Variants in ST6GALNAC3 observed in about 807,000 individuals in gnomAD.
ST6GALNAC3 encodes ST6 N-acetylgalactosaminide alpha-2,6-sialyltransferase 3.
A neutral mutation model predicts 32.7 loss-of-function variants in ST6GALNAC3; 25 were observed. The ratio of observed to expected loss-of-function variants is 0.76; its 90% CI spans 0.56 to 1.07. ST6GALNAC3 has a LOEUF of 1.07. Ranked by LOEUF, ST6GALNAC3 falls within the 50% of genes least tolerant of loss-of-function variation. The probability of loss-of-function intolerance (pLI) is 0.00; values close to 1 mark genes in which losing one functional copy is unlikely to be tolerated. For synonymous variants in ST6GALNAC3, 129 were observed against 133.1 expected (o/e 0.97, Z 0.21); for missense variants, 355 against 382.4 (o/e 0.93, Z 0.60).
At chr1:76,377,749 A>G (rs1260625800) in intron 2 of ST6GALNAC3, among the ~76,000 whole-genome samples, 2 of 152,212 alleles carry the variant, frequency 1.3e-5, no homozygotes, top group Non-Finnish European at 2.9e-5. Flanking sequence ...CAAATATAAA[A>G]GGAAGTTAAT....
intron 2 of ST6GALNAC3, among the ~76,000 whole-genome samples, chr1:76,329,321 C>T (rs538226291): frequency 2.0e-4 from 30 of 152,282 alleles, no homozygotes; most frequent in African/African-American, 7.0e-4. Flanking sequence ...TTCAATGCAT[C>T]CTGCCCCCAT....
chr1:76,146,599 T>C (rs1195397263), intron 1 of ST6GALNAC3, among the ~76,000 whole-genome samples: 6 of 152,166 alleles, frequency 3.9e-5, no homozygotes, highest in Non-Finnish European at 8.8e-5. Flanking sequence ...CCCAAATCCA[T>C]CGTCTTTTCC....
intron 2 of ST6GALNAC3, among the ~76,000 whole-genome samples, chr1:76,399,179 G>A (rs533726925): frequency 9.9e-5 from 15 of 151,982 alleles, no homozygotes; most frequent in Non-Finnish European, 2.1e-4. Context: ...GTCTTTTGAG[G>A]GATAGTATAA....
intron 1 of ST6GALNAC3, among the ~76,000 whole-genome samples, chr1:76,217,322 T>A (rs993825611): frequency 2.0e-5 from 3 of 152,198 alleles, no homozygotes; most frequent in African/African-American, 7.2e-5. Context: ...CCAGAGGAAG[T>A]GGAAAAAGCT....
intron 3 of ST6GALNAC3, among the ~76,000 whole-genome samples, chr1:76,459,736 C>A (rs1658149532): frequency 6.6e-6 from 1 of 152,142 alleles, no homozygotes; most frequent in Non-Finnish European, 1.5e-5. Flanking sequence ...TCAATGGAAT[C>A]ATACAATAAG....
intron 3 of ST6GALNAC3, among the ~76,000 whole-genome samples, chr1:76,549,817 G>T (rs946020016): frequency 6.6e-6 from 1 of 152,322 alleles, no homozygotes; most frequent in Admixed American, 6.5e-5. Context: ...ACAAGCAGTG[G>T]ATGAGAGAAG....
chr1:76,633,812 C>T lies in ST6GALNAC3; in HGVS notation c.*5006C>T, dbSNP rs1649412050. The T allele has an allele frequency of 6.6e-6, 1 of 151,724 alleles. No homozygotes were observed. Among genetic ancestry groups the T allele is most frequent in the Non-Finnish European group, 1.5e-5 (1 of 67,926 alleles). The allele number at this position is 151,724 out of a possible 1,614,324, so 9.4% of individuals were successfully genotyped here. On this transcript the variant is annotated 3_prime_UTR_variant, in exon 5 of 5. Coordinates refer to ENST00000328299, the MANE Select transcript of ST6GALNAC3 (RefSeq NM_152996.4). Reference sequence around the variant, plus strand: ...AAAAGATTTAAAAGGATTTTTTTTTCTCTACAGTCCATTTATATGATACTG... The same window carrying T: ...AAAAGATTTAAAAGGATTTTTTTTTTTCTACAGTCCATTTATATGATACTG...
intron 3 of ST6GALNAC3, among the ~76,000 whole-genome samples, chr1:76,481,518 G>A (rs74354660): frequency 0.011 from 1,668 of 152,184 alleles, 24 homozygotes; most frequent in African/African-American, 0.038. Flanking sequence ...AATGATTCTT[G>A]ACTCTCTTTG....
chr1:76,439,656 G>GT (rs1185348524), intron 3 of ST6GALNAC3, among the ~76,000 whole-genome samples: 6 of 152,098 alleles, frequency 3.9e-5, no homozygotes, highest in South Asian at 2.1e-4. Context: ...TGTAGCTACA[G>GT]TTTTTTTTAT....
chr1:76,418,207 G>A (rs576972083), intron 3 of ST6GALNAC3, among the ~76,000 whole-genome samples: 5 of 152,240 alleles, frequency 3.3e-5, no homozygotes, highest in Admixed American at 2.0e-4. Flanking sequence ...GTGTCATTGC[G>A]TGGTCAAGTG....
chr1:76,390,352 A>C (rs1477330807), intron 2 of ST6GALNAC3, among the ~76,000 whole-genome samples: 1 of 152,220 alleles, frequency 6.6e-6, no homozygotes, highest in Non-Finnish European at 1.5e-5. Flanking sequence ...AATCTGAGCC[A>C]GTAAGACGGG....
chr1:76,244,801 T>G (rs1407361958), intron 1 of ST6GALNAC3, among the ~76,000 whole-genome samples: 1 of 152,210 alleles, frequency 6.6e-6, no homozygotes, highest in Non-Finnish European at 1.5e-5. Flanking sequence ...GCTGACTTGA[T>G]CACGGTGGAT....
intron 1 of ST6GALNAC3, among the ~76,000 whole-genome samples, chr1:76,147,981 C>T (rs1302390977): frequency 6.6e-6 from 1 of 152,166 alleles, no homozygotes; most frequent in Non-Finnish European, 1.5e-5. Flanking sequence ...ACCTGTTTTA[C>T]CAGTCAGTTA....
intron 3 of ST6GALNAC3, among the ~76,000 whole-genome samples, chr1:76,467,935 A>G (rs1658751357): frequency 6.6e-6 from 1 of 152,040 alleles, no homozygotes; most frequent in South Asian, 2.1e-4. Flanking sequence ...ATTTCGTTTT[A>G]ATGTAACGCC....
intron 3 of ST6GALNAC3, among the ~76,000 whole-genome samples, chr1:76,544,321 T>C (rs1664164984): frequency 6.6e-6 from 1 of 152,094 alleles, no homozygotes; most frequent in African/African-American, 2.4e-5. Flanking sequence ...TTAAGCAGGA[T>C]TGATGTTTTT....
intron 1 of ST6GALNAC3, among the ~76,000 whole-genome samples, chr1:76,270,094 T>G (rs1658752779): frequency 6.6e-6 from 1 of 152,200 alleles, no homozygotes. Flanking sequence ...TCTGACATGC[T>G]GAGAAAAAAT....
At chr1:76,131,977 A>G (rs1649639365) in intron 1 of ST6GALNAC3, among the ~76,000 whole-genome samples, 1 of 152,116 alleles carries the variant, frequency 6.6e-6, no homozygotes, top group Non-Finnish European at 1.5e-5. Context: ...CCATAAGTAC[A>G]TGTTTATTTG....
chr1:76,356,795 A>G (rs911802405), intron 2 of ST6GALNAC3, among the ~76,000 whole-genome samples: 17 of 152,180 alleles, frequency 1.1e-4, no homozygotes, highest in Admixed American at 9.2e-4. Flanking sequence ...GCATAACGCA[A>G]TGAGAACTAT....
At chr1:76,330,011 G>C (rs1195468282) in intron 2 of ST6GALNAC3, among the ~76,000 whole-genome samples, 2 of 151,820 alleles carry the variant, frequency 1.3e-5, no homozygotes, top group Non-Finnish European at 2.9e-5. Context: ...ATTTCACCAT[G>C]TTGGTCAGGC....
Sources: allele counts gnomAD v4.1 joint callset (sites outside exome capture counted in the v4.1 genomes callset), GRCh38; gene constraint gnomAD v4.1.1; transcripts MANE v1.5; gene names NCBI Gene and HGNC (gene_info 2026-07-23, HGNC 2026-07-21).